The following RBM15B variants were observed in gnomAD, a reference collection of about 807,000 sequenced individuals.
RBM15B encodes the protein RNA binding motif protein 15B.
In RBM15B, 11 loss-of-function variants were observed where a neutral mutation model predicts 53.3. The observed-to-expected ratio is 0.21, with a 90% CI of 0.13 to 0.34. RBM15B has a LOEUF of 0.34. RBM15B is among the 10% of genes least tolerant of loss of function. RBM15B has a pLI of 1.00. For synonymous variants in RBM15B, 631 were observed against 540.7 expected (o/e 1.17, Z -2.32); for missense variants, 1,136 against 1,250.3 (o/e 0.91, Z 1.38).
rs2089120952 is a variant in RBM15B, at chr3:51,394,885, G to A, written c.*813G>A. On this transcript the variant is annotated 3_prime_UTR_variant, in exon 1 of 1. Coordinates refer to ENST00000563281, the MANE Select transcript of RBM15B (RefSeq NM_013286.5). ...CCTGATCTGTCCAGGCTCCTGGTTC[G>A]GCCTACTTTCTAGCCTCACTCAGCC... The A allele has an allele frequency of 6.0e-6, 1 of 167,076 alleles. No homozygotes were observed. Among genetic ancestry groups the A allele is most frequent in the African/African-American group, 2.4e-5 (1 of 41,394 alleles). The allele number at this position is 167,076 out of a possible 1,614,324, so 10.3% of individuals were successfully genotyped here.
At position 51,396,690 on chromosome 3, in the gene RBM15B, A is replaced by T. The variant is rs1459409398; in HGVS notation, c.*2618A>T. On this transcript the variant is annotated 3_prime_UTR_variant, in exon 1 of 1. Coordinates refer to ENST00000563281, the MANE Select transcript of RBM15B (RefSeq NM_013286.5). ...ACAGCTGATGCCTCCTTAGCCCCTT[A>T]GCACATGTTCCTAAGGTGTGTTGTC... 6.0e-6 allele frequency: 1 copy of T among 167,124 alleles called. No homozygotes were observed. Among genetic ancestry groups the T allele is most frequent in the Non-Finnish European group, 1.5e-5 (1 of 68,136 alleles). The allele number at this position is 167,124 out of a possible 1,614,324, so 10.4% of individuals were successfully genotyped here.
rs1553621915 is a variant in RBM15B, at chr3:51,393,216, C to T, written c.1817C>T (p.Thr606Ile). The T allele has an allele frequency of 6.2e-7, 1 of 1,613,814 alleles. No individual in the cohort carries two copies. Among genetic ancestry groups the T allele is most frequent in the South Asian group, 1.1e-5 (1 of 91,070 alleles). ...RRSLSSDRGRTTHSPYEERSR... is the reference protein window; with the variant it reads ...RRSLSSDRGRITHSPYEERSR... The stretch of plus-strand genomic sequence containing the variant: ...AGCCTTTCCAGTGACCGTGGGAGGA[C>T]AACCCATTCACCATATGAGGAACGG... Residue 606 changes from threonine to isoleucine, a missense_variant, in exon 1 of 1, where the codon ACA (threonine) becomes ATA (isoleucine). Thr to Ile is a moderately conservative substitution (Grantham distance 89, BLOSUM62 -1). Coordinates refer to ENST00000563281, the MANE Select transcript of RBM15B (RefSeq NM_013286.5). This position sits in a 1 kb window ranked among gnomAD's most constrained non-coding sequence, Gnocchi z 5.6.
rs903964534 is a variant in RBM15B at position 51,396,106 on chromosome 3, T to A, written c.*2034T>A. ...AGGCCAGAGCTGCCTTGGTATGTTG[T>A]TAAGTCCAAAACTTCTTCTCTGGGC... On this transcript the variant is annotated 3_prime_UTR_variant, in exon 1 of 1. Coordinates refer to ENST00000563281, the MANE Select transcript of RBM15B (RefSeq NM_013286.5). 28 of 409,690 alleles carry A rather than the reference T, an allele frequency of 6.8e-5. 1 individual carries two copies. The highest frequency in any genetic ancestry group is 5.1e-4 in the African/African-American group (25 of 48,582). The allele number at this position is 409,690 out of a possible 1,614,324, so 25.4% of individuals were successfully genotyped here. A position where few individuals can be genotyped will look rare whatever the true frequency, so the allele number is the denominator to read the frequency against.
rs1553621546 is a variant in RBM15B at position 51,391,711 on chromosome 3, C to A, written c.312C>A (p.Gly104=). ...GRGGKASGDP[G]ASGMSPRASP... ...GCGGCAAGGCCTCGGGGGACCCGGG[C>A]GCCTCCGGCATGTCGCCCCGCGCGT... The change falls in exon 1 of 1, where the codon GGC becomes GGA. Residue 104 remains glycine, a synonymous_variant. Transcript: ENST00000563281. This position sits in a 1 kb window ranked among gnomAD's most constrained non-coding sequence, Gnocchi z 4.5. The A allele has an allele frequency of 8.0e-6, 11 of 1,378,516 alleles. No individual in the cohort carries two copies. The highest frequency in any genetic ancestry group is 1.0e-5 in the Non-Finnish European group (11 of 1,073,900). 85.4% of individuals were successfully genotyped at this position (1,378,516 alleles called of 1,614,324 possible).
rs1229846448 is a variant in RBM15B, at chr3:51,395,904, T to A, written c.*1832T>A. 1.5e-5 allele frequency: 6 copies of A among 413,340 alleles called. No homozygotes were observed. Among genetic ancestry groups the A allele is most frequent in the Admixed American group, 4.4e-5 (1 of 22,726 alleles). The allele number at this position is 413,340 out of a possible 1,614,324, so 25.6% of individuals were successfully genotyped here. On this transcript the variant is annotated 3_prime_UTR_variant, in exon 1 of 1. Coordinates refer to ENST00000563281, the MANE Select transcript of RBM15B (RefSeq NM_013286.5). ...ATGTTTATTTATTTGCCTGTTTTTG[T>A]TTTTTTACTTGAGCTGTGGTCACAG... is the stretch of plus-strand genomic sequence containing the variant.
chr3:51,393,449 A>G lies in RBM15B; in HGVS notation c.2050A>G (p.Ser684Gly), dbSNP rs201325569. 2 of 1,613,954 alleles carry G rather than the reference A, an allele frequency of 1.2e-6. No individual in the cohort carries two copies. The highest frequency in any genetic ancestry group is 8.5e-7 in the Non-Finnish European group (1 of 1,179,952). The change falls in exon 1 of 1, where the codon AGC (serine) becomes GGC (glycine). Residue 684 changes from serine (S) to glycine (G), a missense_variant. This residue lies in a region of RBM15B where 578 missense variants were observed against 581.6 expected (regional missense o/e 0.99). Transcript: ENST00000563281. The surrounding 1 kb of genome is among the most constrained non-coding windows in gnomAD (Gnocchi z 5.6). ...TTCCCACGGGAAGAAGGCAAGAGAC[A>G]GCGAGCGCAATCACCGGACCACAGA... is the stretch of plus-strand genomic sequence containing the variant. ...DSSHGKKARDSERNHRTTEAE... is the reference protein window; with the variant it reads ...DSSHGKKARDGERNHRTTEAE...
rs1309404637 is a variant in RBM15B, at chr3:51,393,109, G to C, written c.1710G>C (p.Val570=). The C allele has an allele frequency of 6.2e-7, 1 of 1,613,958 alleles. No individual in the cohort carries two copies. The highest frequency in any genetic ancestry group is 8.5e-7 in the Non-Finnish European group (1 of 1,180,046). ...RNSLEGYSRS[V]RSRSGERWGA... ...GCCTTGAGGGCTACAGTCGCTCAGT[G>C]CGCAGCCGGAGTGGTGAGCGTTGGG... Residue 570 remains valine, a synonymous_variant, in exon 1 of 1, where the codon GTG becomes GTC. Transcript: ENST00000563281. The surrounding 1 kb of genome is among the most constrained non-coding windows in gnomAD (Gnocchi z 5.6).
rs1229589056 is a variant in RBM15B, at chr3:51,394,991, G to A, written c.*919G>A. 3.0e-5 allele frequency: 5 copies of A among 167,278 alleles called. No individual in the cohort carries two copies. Among genetic ancestry groups the A allele is most frequent in the South Asian group, 2.1e-4 (1 of 4,822 alleles). 10.4% of individuals were successfully genotyped at this position (167,278 alleles called of 1,614,324 possible). On this transcript the variant is annotated 3_prime_UTR_variant, in exon 1 of 1. Transcript: ENST00000563281. ...GTCCAAATACTGGAATGGAGGGTTG[G>A]AGGCAGCCTTCCTTGGATTTACTCA...
In RBM15B at chr3:51,392,516, C is replaced by G. The variant is rs782228699; in HGVS notation, c.1117C>G (p.Arg373Gly). 1.2e-6 allele frequency: 2 copies of G among 1,613,874 alleles called. No homozygotes were observed. Among genetic ancestry groups the G allele is most frequent in the Non-Finnish European group, 1.7e-6 (2 of 1,180,022 alleles). Residue 373 changes from arginine (R) to glycine (G), a missense_variant, in exon 1 of 1, where the codon CGT becomes GGT. Transcript: ENST00000563281. This position sits in a 1 kb window ranked among gnomAD's most constrained non-coding sequence, Gnocchi z 7.5. ...IEEVVIKRPARGQGGAYAFLK... is the reference protein window; with the variant it reads ...IEEVVIKRPAGGQGGAYAFLK... ...GGAGGTGGTCATCAAGAGGCCTGCC[C>G]GTGGCCAGGGCGGTGCCTATGCCTT... is the stretch of plus-strand genomic sequence containing the variant.
Position 51,392,338 on chromosome 3 carries a change from T to G in RBM15B, c.939T>G (p.Arg313=). Residue 313 remains arginine, a synonymous_variant, in exon 1 of 1, where the codon CGT becomes CGG. Transcript: ENST00000563281. The surrounding 1 kb of genome is among the most constrained non-coding windows in gnomAD (Gnocchi z 7.5). ...ACTACTACGGGCTGTACGACGACCGTGGGCGCCCCTATGGCTACCCAGCTG... is the reference window on the plus strand; with the variant it reads ...ACTACTACGGGCTGTACGACGACCGGGGGCGCCCCTATGGCTACCCAGCTG... ...ALDYYGLYDD[R]GRPYGYPAVC... 1.2e-6 allele frequency: 2 copies of G among 1,613,670 alleles called. No individual in the cohort carries two copies. Among genetic ancestry groups the G allele is most frequent in the Non-Finnish European group, 1.7e-6 (2 of 1,179,982 alleles).
rs2089034800 is a variant in RBM15B at position 51,391,444 on chromosome 3, C to A, written c.45C>A (p.Gly15=). 1 of 1,271,052 alleles carries A rather than the reference C, an allele frequency of 7.9e-7. No homozygotes were observed. Among genetic ancestry groups the A allele is most frequent in the Non-Finnish European group, 9.9e-7 (1 of 1,005,454 alleles). 78.7% of individuals were successfully genotyped at this position (1,271,052 alleles called of 1,614,324 possible). ...SERDSSPSGR[G]SSSSAKRPRE... ...GAGACTCTAGCCCGAGCGGGCGCGG[C>A]TCGTCATCGTCCGCCAAGCGTCCGC... The change falls in exon 1 of 1, where the codon GGC becomes GGA. Residue 15 remains glycine (G), a synonymous_variant. Transcript: ENST00000563281. This position sits in a 1 kb window ranked among gnomAD's most constrained non-coding sequence, Gnocchi z 4.5.
chr3:51,392,360 G>C lies in RBM15B; in HGVS notation c.961G>C (p.Ala321Pro), dbSNP rs1553621758. The C allele has an allele frequency of 1.2e-6, 2 of 1,613,922 alleles. No individual in the cohort carries two copies. The highest frequency in any genetic ancestry group is 2.2e-5 in the East Asian group (1 of 44,892). Residue 321 changes from alanine to proline, a missense_variant, in exon 1 of 1, where the codon GCT (alanine) becomes CCT (proline). Physicochemically the swap from Ala to Pro is conservative, Grantham distance 27. Coordinates refer to ENST00000563281, the MANE Select transcript of RBM15B (RefSeq NM_013286.5). This position sits in a 1 kb window ranked among gnomAD's most constrained non-coding sequence, Gnocchi z 7.5. ...DDRGRPYGYPAVCEEDLMPED... is the reference protein window; with the variant it reads ...DDRGRPYGYPPVCEEDLMPED... ...CCGTGGGCGCCCCTATGGCTACCCA[G>C]CTGTGTGTGAGGAGGACCTGATGCC...
chr3:51,394,034 G>C lies in RBM15B; in HGVS notation c.2635G>C (p.Glu879Gln), dbSNP rs139248321. The C allele has an allele frequency of 8.1e-5, 120 of 1,480,798 alleles. No homozygotes were observed. Among genetic ancestry groups the C allele is most frequent in the East Asian group, 2.4e-4 (10 of 41,918 alleles). The allele number at this position is 1,480,798 out of a possible 1,614,324, so 91.7% of individuals were successfully genotyped here. ...ALRTLGKLEE[E>Q]HMVIVIVRDT... ...AAGGACATTGGGCAAGCTAGAAGAA[G>C]AACACATGGTGATAGTCATCGTCAG... is the stretch of plus-strand genomic sequence containing the variant. Residue 879 changes from glutamate (E) to glutamine (Q), a missense_variant, in exon 1 of 1, where the codon GAA becomes CAA. Glu to Gln is a conservative substitution (Grantham distance 29, BLOSUM62 2). Coordinates refer to ENST00000563281, the MANE Select transcript of RBM15B (RefSeq NM_013286.5).
In RBM15B at chr3:51,392,911, G is replaced by C; in HGVS notation, c.1512G>C (p.Ser504=). Residue 504 remains serine, a synonymous_variant, in exon 1 of 1, where the codon TCG becomes TCC. Coordinates refer to ENST00000563281, the MANE Select transcript of RBM15B (RefSeq NM_013286.5). The surrounding 1 kb of genome is among the most constrained non-coding windows in gnomAD (Gnocchi z 7.5). ...GGTACCCCCAGCAGTACCAGCCCTC[G>C]CCACTCCCTGTGCATTATGAGCTGC... ...ETRYPQQYQP[S]PLPVHYELLT... 1 of 1,613,852 alleles carries C rather than the reference G, an allele frequency of 6.2e-7. No individual in the cohort carries two copies. Among genetic ancestry groups the C allele is most frequent in the East Asian group, 2.2e-5 (1 of 44,872 alleles).
Position 51,396,074 on chromosome 3 carries a change from G to GAGTC in RBM15B, c.*2004_*2007dup. On this transcript the variant is annotated 3_prime_UTR_variant, in exon 1 of 1. Transcript: ENST00000563281. ...TCCTGCAGCTCTCCAACAAACGCCT[G>GAGTC]AGTCACAGGCCAGAGCTGCCTTGGT... 1 of 411,562 alleles carries GAGTC rather than the reference G, an allele frequency of 2.4e-6. No homozygotes were observed. The highest frequency in any genetic ancestry group is 4.4e-5 in the Admixed American group (1 of 22,690). 25.5% of individuals were successfully genotyped at this position (411,562 alleles called of 1,614,324 possible). A position where few individuals can be genotyped will look rare whatever the true frequency, so the allele number is the denominator to read the frequency against.
rs373404121 is a variant in RBM15B, at chr3:51,394,014, C to T, written c.2615C>T (p.Thr872Ile). The change falls in exon 1 of 1, where the codon ACA (threonine) becomes ATA (isoleucine). Residue 872 changes from threonine to isoleucine, a missense_variant. Around this residue, in one of 7 missense-constraint regions of RBM15B, gnomAD observed 578 missense variants for 581.6 expected, o/e 0.99. Coordinates refer to ENST00000563281, the MANE Select transcript of RBM15B (RefSeq NM_013286.5). ...CAGTACCTCCAGTCAGCACTAAGGA[C>T]ATTGGGCAAGCTAGAAGAAGAACAC... Reference protein sequence around the residue: ...SQQYLQSALRTLGKLEEEHMV... With the variant: ...SQQYLQSALRILGKLEEEHMV... 1.5e-5 allele frequency: 22 copies of T among 1,491,526 alleles called. No homozygotes were observed. The highest frequency in any genetic ancestry group is 1.9e-5 in the Non-Finnish European group (21 of 1,120,352). The allele number at this position is 1,491,526 out of a possible 1,614,324, so 92.4% of individuals were successfully genotyped here. A position where few individuals can be genotyped will look rare whatever the true frequency, so the allele number is the denominator to read the frequency against.
Position 51,392,470 on chromosome 3 carries a change from C to T in RBM15B, c.1071C>T (p.Phe357=). 3 of 1,613,966 alleles carry T rather than the reference C, an allele frequency of 1.9e-6. No homozygotes were observed. The highest frequency in any genetic ancestry group is 1.7e-6 in the Non-Finnish European group (2 of 1,180,040). The change falls in exon 1 of 1, where the codon TTC becomes TTT. Residue 357 remains phenylalanine (F), a synonymous_variant. Coordinates refer to ENST00000563281, the MANE Select transcript of RBM15B (RefSeq NM_013286.5). This position sits in a 1 kb window ranked among gnomAD's most constrained non-coding sequence, Gnocchi z 7.5. ...SVSEVELRRA[F]EKYGIIEEVV... is the part of the protein sequence containing the mutation. ...CTGAGGTGGAGCTGCGAAGGGCCTT[C>T]GAGAAATATGGCATCATCGAGGAGG... is the stretch of plus-strand genomic sequence containing the variant.
rs1037790389 is a variant in RBM15B at position 51,394,176 on chromosome 3, G to C, written c.*104G>C. On this transcript the variant is annotated 3_prime_UTR_variant, in exon 1 of 1. Transcript: ENST00000563281. ...CACTTTGGTTTGAATTATCTCCTGGGTTATTTTGGTTCATTTGGGTGGGGA... is the reference window on the plus strand; with the variant it reads ...CACTTTGGTTTGAATTATCTCCTGGCTTATTTTGGTTCATTTGGGTGGGGA... 32 of 1,271,936 alleles carry C rather than the reference G, an allele frequency of 2.5e-5. No individual in the cohort carries two copies. Among genetic ancestry groups the C allele is most frequent in the Non-Finnish European group, 3.2e-5 (32 of 997,840 alleles). 78.8% of individuals were successfully genotyped at this position (1,271,936 alleles called of 1,614,324 possible).
Position 51,391,621 on chromosome 3 carries a change from G to T in RBM15B, c.222G>T (p.Gly74=). The change falls in exon 1 of 1, where the codon GGG becomes GGT. Residue 74 remains glycine (G), a synonymous_variant. Transcript: ENST00000563281. The surrounding 1 kb of genome is among the most constrained non-coding windows in gnomAD (Gnocchi z 4.5). ...GGCATCGCGACGGCCGCGGCACCGGGGACGCGAATCACCGCGCGAGTAGCG... is the reference window on the plus strand; with the variant it reads ...GGCATCGCGACGGCCGCGGCACCGGTGACGCGAATCACCGCGCGAGTAGCG... ...GGGHRDGRGT[G]DANHRASSGR... 8.4e-7 allele frequency: 1 copy of T among 1,185,996 alleles called. No homozygotes were observed. Among genetic ancestry groups the T allele is most frequent in the Non-Finnish European group, 1.0e-6 (1 of 958,946 alleles). 73.5% of individuals were successfully genotyped at this position (1,185,996 alleles called of 1,614,324 possible).
Sources: allele counts gnomAD v4.1 joint callset, GRCh38; gene constraint gnomAD v4.1.1; regional missense constraint gnomAD v4.1.1; non-coding constraint Gnocchi (gnomAD v3.1); transcripts MANE v1.5; gene names NCBI Gene and HGNC (gene_info 2026-07-23, HGNC 2026-07-21).